The following TENM2 variants were observed in gnomAD, a reference collection of about 807,000 sequenced individuals.
TENM2 encodes the protein teneurin transmembrane protein 2.
Under a neutral mutation model 245.2 loss-of-function variants are expected in TENM2, and 52 were observed. The ratio of observed to expected loss-of-function variants is 0.21; its 90% CI spans 0.17 to 0.27. TENM2 has a LOEUF of 0.27. Ranked by LOEUF, TENM2 falls within the 10% of genes least tolerant of loss-of-function variation. TENM2 has a pLI of 1.00. For synonymous variants in TENM2, 1,363 were observed against 1,438.9 expected, an observed-to-expected ratio of 0.95 and a Z score of 1.19; for missense variants, 3,046 against 3,666.8, an observed-to-expected ratio of 0.83 and a Z score of 4.37.
At chr5:167,272,642 C>T in the TENM2 span, among the ~76,000 whole-genome samples, 2 of 152,188 alleles carry the variant, frequency 1.3e-5, no homozygotes, top group East Asian at 1.9e-4. Context: ...AATTACTTGT[C>T]GTAATTTTTA....
At chr5:168,067,331 C>T (rs2152115078) in intron 7 of TENM2, among the ~76,000 whole-genome samples, 1 of 152,210 alleles carries the variant, frequency 6.6e-6, no homozygotes, top group Admixed American at 6.5e-5. Flanking sequence ...TAAAATTATC[C>T]ACACATTAAA....
chr5:167,573,238 A>G (rs906811674), intron 2 of TENM2, among the ~76,000 whole-genome samples: 1 of 152,236 alleles, frequency 6.6e-6, no homozygotes, highest in African/African-American at 2.4e-5. Context: ...CTACATAAAT[A>G]AATATGCGAA....
intron 1 of TENM2, among the ~76,000 whole-genome samples, chr5:167,336,176 CTTTTTTTTTT>C (rs35059289): frequency 6.0e-5 from 5 of 83,100 alleles, no homozygotes; most frequent in African/African-American, 2.2e-4. Flanking sequence ...TTCATTTCTC[CTTTTTTTTTT>C]TTTTTTTTTT....
intron 2 of TENM2, among the ~76,000 whole-genome samples, chr5:167,425,417 A>T (rs1352648677): frequency 1.3e-5 from 2 of 152,160 alleles, no homozygotes; most frequent in African/African-American, 4.8e-5. Flanking sequence ...TTGGAGATTA[A>T]ATGAGTTTGG....
chr5:167,865,548 A>G (rs1314393273), intron 2 of TENM2, among the ~76,000 whole-genome samples: 1 of 152,172 alleles, frequency 6.6e-6, no homozygotes, highest in Non-Finnish European at 1.5e-5. Flanking sequence ...TGCTGGGATT[A>G]CAGTCGTGAG....
At chr5:167,996,901 G>T (rs1784092058) in intron 5 of TENM2, among the ~76,000 whole-genome samples, 1 of 151,886 alleles carries the variant, frequency 6.6e-6, no homozygotes, top group Non-Finnish European at 1.5e-5. Context: ...ACCACACCCG[G>T]CTAATTTTTG....
the TENM2 span, among the ~76,000 whole-genome samples, chr5:167,167,704 C>T: frequency 1.3e-5 from 2 of 152,142 alleles, no homozygotes; most frequent in African/African-American, 4.8e-5. Context: ...GACTGTTTCA[C>T]TCTTTTGTGT....
At chr5:167,870,569 A>ATATG (rs372917707) in intron 2 of TENM2, among the ~76,000 whole-genome samples, 2,139 of 142,414 alleles carry the variant, frequency 0.015, 69 homozygotes, top group African/African-American at 0.056. Flanking sequence ...ATATATATAT[A>ATATG]TGTGTGTGTA....
chr5:167,972,579 C>T (rs946905534), intron 4 of TENM2, among the ~76,000 whole-genome samples: 2 of 151,994 alleles, frequency 1.3e-5, no homozygotes, highest in Middle Eastern at 3.2e-3. Flanking sequence ...AAGTTAAATT[C>T]CTGGAAGTGA....
At chr5:167,964,485 A>G (rs1781241978) in intron 4 of TENM2, among the ~76,000 whole-genome samples, 1 of 152,230 alleles carries the variant, frequency 6.6e-6, no homozygotes, top group Non-Finnish European at 1.5e-5. Context: ...TAATTATTCT[A>G]GAAATAGCTA....
chr5:168,115,382 AAGGAAGGAAGGAAGGAAGG>A (rs1252804486), intron 9 of TENM2, among the ~76,000 whole-genome samples: 2 of 108,220 alleles, frequency 1.8e-5, no homozygotes, highest in African/African-American at 3.9e-5. Context: ...GGAAGGAAGG[AAGGAAGGAAGGAAGGAAGG>A]AAGGAAGGGA....
In TENM2 at chr5:167,662,302, G is replaced by A. The variant is rs148987008; in HGVS notation, c.503-213684G>A. Reference sequence around the variant, plus strand: ...TCTGCTCATTCAGCCACATCTCACAGCTCTTGAGAGAAGCTGACCCCTTCC... The same window carrying A: ...TCTGCTCATTCAGCCACATCTCACAACTCTTGAGAGAAGCTGACCCCTTCC... On this transcript the variant is annotated intron_variant, in intron 2 of 28. Transcript: ENST00000518659. Among the ~76,000 whole-genome samples, 444 of 152,304 alleles carry A rather than the reference G, an allele frequency of 2.9e-3. 6 individuals carry two copies. Among genetic ancestry groups the A allele is most frequent in the South Asian group, 0.029 (138 of 4,828 alleles).
rs1030296571 is a variant in TENM2, at chr5:168,225,827, T to TAA, written c.5109-260_5109-259dup. Among the ~76,000 whole-genome samples, 24 of 151,626 alleles carry TAA rather than the reference T, an allele frequency of 1.6e-4. No homozygotes were observed. The East Asian group carries it at 4.7e-3, about 29-fold the overall frequency. On this transcript the variant is annotated intron_variant, in intron 23 of 28. Coordinates refer to ENST00000518659, the Ensembl canonical transcript of TENM2. ...GAAGCTCACAAGTGGCTGTTTTCTC[T>TAA]AACTAACTAGAGGAAGCCTGAGACC...
chr5:168,153,031 AGTTT>A (rs922490942), intron 12 of TENM2, among the ~76,000 whole-genome samples: 9 of 152,296 alleles, frequency 5.9e-5, no homozygotes, highest in African/African-American at 1.9e-4. Flanking sequence ...AACAAAGCAC[AGTTT>A]GTTTGTTTTT....
At chr5:168,068,801 G>A (rs1039523592) in intron 7 of TENM2, among the ~76,000 whole-genome samples, 6 of 151,712 alleles carry the variant, frequency 4.0e-5, no homozygotes, top group Admixed American at 3.9e-4. Context: ...GTTGTAATAT[G>A]GGTATCTTTT....
the TENM2 span, among the ~76,000 whole-genome samples, chr5:167,106,987 G>C: frequency 6.6e-6 from 1 of 151,636 alleles, no homozygotes; most frequent in African/African-American, 2.4e-5. Flanking sequence ...GCTCATGCCT[G>C]TAATCCTAGC....
chr5:167,666,060 G>A (rs1025707503), intron 2 of TENM2, among the ~76,000 whole-genome samples: 13 of 152,144 alleles, frequency 8.5e-5, no homozygotes, highest in Non-Finnish European at 1.3e-4. Context: ...GGCGATTCCC[G>A]TCAGCAAAGA....
At chr5:168,000,751 G>C (rs1296990734) in intron 5 of TENM2, among the ~76,000 whole-genome samples, 2 of 152,192 alleles carry the variant, frequency 1.3e-5, no homozygotes, top group Non-Finnish European at 2.9e-5. Context: ...ACAACCATGT[G>C]AATAGGTAGG....
intron 2 of TENM2, among the ~76,000 whole-genome samples, chr5:167,861,361 C>T (rs1771788529): frequency 6.6e-6 from 1 of 152,180 alleles, no homozygotes; most frequent in South Asian, 2.1e-4. Context: ...AAAAATCTGT[C>T]AGCCTTGCGG....
Sources: allele counts gnomAD v4.1 joint callset (sites outside exome capture counted in the v4.1 genomes callset), GRCh38; gene constraint gnomAD v4.1.1; transcripts MANE v1.5; gene names NCBI Gene and HGNC (gene_info 2026-07-23, HGNC 2026-07-21).